The following MYT1L variants were observed in gnomAD, a reference collection of about 807,000 sequenced individuals.
The protein encoded by MYT1L is myelin transcription factor 1 like.
A neutral mutation model predicts 126.7 loss-of-function variants in MYT1L; 12 were observed. The ratio of observed to expected loss-of-function variants is 0.09; its 90% confidence interval spans 0.06 to 0.15. The LOEUF (loss-of-function observed/expected upper bound fraction) is 0.15, where lower values mean the gene tolerates loss of function less well. Among genes scored for constraint, MYT1L ranks in the 10% least tolerant of loss-of-function variants. The pLI is 1.00. For missense variants in MYT1L, 979 were observed against 1,585.2 expected (o/e 0.62, Z 6.49); for synonymous variants, 541 against 604.2 (o/e 0.90, Z 1.53).
At chr2:2,042,210 G>A (rs1197335209) in intron 4 of MYT1L, among the ~76,000 whole-genome samples, 5 of 152,176 alleles carry the variant, frequency 3.3e-5, no homozygotes, top group Admixed American at 2.0e-4. Context: ...AGGCTGATAC[G>A]AATCTTCTGG....
chr2:2,067,671 A>G (rs1302704693), intron 3 of MYT1L, among the ~76,000 whole-genome samples: 1 of 152,184 alleles, frequency 6.6e-6, no homozygotes, highest in East Asian at 1.9e-4. Flanking sequence ...CCCCCATAGC[A>G]TTGACTATAA....
At chr2:2,023,013 C>A (rs1173006541) in intron 4 of MYT1L, among the ~76,000 whole-genome samples, 5 of 152,210 alleles carry the variant, frequency 3.3e-5, no homozygotes, top group Non-Finnish European at 7.3e-5. Flanking sequence ...GGAAAGAAAG[C>A]ATCTTTCATG....
Position 1,943,082 on chromosome 2 carries a change from G to T in MYT1L, c.405C>A (p.Ile135=), listed in dbSNP as rs375288670. The change falls in exon 9 of 25, where the codon ATC becomes ATA. Residue 135 remains isoleucine (I), a synonymous_variant. Coordinates refer to ENST00000647738, the MANE Select transcript of MYT1L (RefSeq NM_001303052.2). The surrounding 1 kb of genome is among the most constrained non-coding windows in gnomAD (Gnocchi z 4.4). The part of the protein sequence containing the change: ...EEGDREEEEE[I]EEEDEDDDED... ...CGTCATCGTCCTCATCCTCCTCCTC[G>T]ATCTCCTCCTCCTCCTCCCGGTCCC... 3.5e-6 allele frequency: 5 copies of T among 1,441,138 alleles called. No individual in the cohort carries two copies. The highest frequency in any genetic ancestry group is 2.9e-5 in the African/African-American group (2 of 68,700). 89.3% of individuals were successfully genotyped at this position (1,441,138 alleles called of 1,614,324 possible). A position where few individuals can be genotyped will look rare whatever the true frequency, so the allele number is the denominator to read the frequency against.
chr2:2,098,253 T>G (rs1450292120), intron 3 of MYT1L, among the ~76,000 whole-genome samples: 1 of 152,184 alleles, frequency 6.6e-6, no homozygotes, highest in East Asian at 1.9e-4. Context: ...TCCTCATGGC[T>G]TTTATAAGTC....
At chr2:1,965,675 T>A (rs1266678537) in intron 8 of MYT1L, among the ~76,000 whole-genome samples, 1 of 152,188 alleles carries the variant, frequency 6.6e-6, no homozygotes, top group African/African-American at 2.4e-5. Flanking sequence ...GCATCATAGC[T>A]GGTGACTGGG....
chr2:2,108,067 A>C (rs1559033549), intron 3 of MYT1L, among the ~76,000 whole-genome samples: 1 of 152,072 alleles, frequency 6.6e-6, no homozygotes, highest in African/African-American at 2.4e-5. Flanking sequence ...AGAAACGAAC[A>C]CCTTGGTTTG....
intron 4 of MYT1L, among the ~76,000 whole-genome samples, chr2:2,002,068 A>G (rs1435079489): frequency 6.6e-6 from 1 of 152,206 alleles, no homozygotes; most frequent in Non-Finnish European, 1.5e-5. Flanking sequence ...TTCACAGAAC[A>G]ACACCTTCTT....
At position 1,923,092 on chromosome 2, in the gene MYT1L, T is replaced by C. The variant is rs1440637668; in HGVS notation, c.677A>G (p.Asn226Ser). ...AYRARTESEM[N>S]SNTSNSLEDD... The stretch of plus-strand genomic sequence containing the variant: ...TTCCAGACTATTGGAGGTATTGCTG[T>C]TCATTTCTGACTCAGTCCTGGCCCG... Residue 226 changes from asparagine to serine, a missense_variant, in exon 10 of 25, where the codon AAC (asparagine) becomes AGC (serine). This residue lies in a region of MYT1L where 243 missense variants were observed against 363.9 expected (regional missense o/e 0.67). Transcript: ENST00000647738. 1 of 1,614,058 alleles carries C rather than the reference T, an allele frequency of 6.2e-7. No individual in the cohort carries two copies. Among genetic ancestry groups the C allele is most frequent in the Admixed American group, 1.7e-5 (1 of 60,032 alleles).
chr2:2,039,615 G>C (rs1198219710), intron 4 of MYT1L, among the ~76,000 whole-genome samples: 1 of 152,196 alleles, frequency 6.6e-6, no homozygotes, highest in Non-Finnish European at 1.5e-5. Flanking sequence ...ATATGACTTT[G>C]AACGTCACAG....
Position 1,917,056 on chromosome 2 carries a change from G to C in MYT1L, c.1618+149C>G. ...TGCCATTGGCATGCCCACGAATCCTGGATCAGTTGCCCATCAAGTTAAGTA... is the reference window on the plus strand; with the variant it reads ...TGCCATTGGCATGCCCACGAATCCTCGATCAGTTGCCCATCAAGTTAAGTA... On this transcript the variant is annotated intron_variant, in intron 11 of 24. Transcript: ENST00000647738. The surrounding 1 kb of genome is among the most constrained non-coding windows in gnomAD (Gnocchi z 5.9). The C allele has an allele frequency of 2.9e-6, 3 of 1,046,840 alleles. No homozygotes were observed. In the South Asian group the frequency reaches 5.7e-5, roughly 20 times the overall value. 64.8% of individuals were successfully genotyped at this position (1,046,840 alleles called of 1,614,324 possible).
intron 1 of MYT1L, among the ~76,000 whole-genome samples, chr2:2,285,565 T>G (rs745837120): frequency 6.6e-6 from 1 of 152,210 alleles, no homozygotes; most frequent in African/African-American, 2.4e-5. Context: ...ACTTTGCATA[T>G]CTCTTTACCT....
intron 2 of MYT1L, among the ~76,000 whole-genome samples, chr2:2,225,600 G>A (rs1200329769): frequency 2.6e-5 from 4 of 152,010 alleles, no homozygotes; most frequent in Non-Finnish European, 5.9e-5. Flanking sequence ...CTACACCGTG[G>A]TCTCTCCTGG....
intron 3 of MYT1L, among the ~76,000 whole-genome samples, chr2:2,147,483 C>T (rs1489726085): frequency 1.3e-5 from 2 of 152,216 alleles, no homozygotes; most frequent in African/African-American, 4.8e-5. Flanking sequence ...CGGCTATGTC[C>T]CAAGCGTGGT....
At chr2:1,840,903 TC>T (rs1291133274) in intron 19 of MYT1L, 60 bp from the exon 20 acceptor site, 29,617 of 819,874 alleles carry the variant, frequency 0.036, 417 homozygotes, top group East Asian at 0.1. Context: ...GAGCTTTCTT[TC>T]TTTTTTTTTT....
At chr2:1,886,850 C>T (rs1185597372) in intron 17 of MYT1L, among the ~76,000 whole-genome samples, 3 of 151,924 alleles carry the variant, frequency 2.0e-5, no homozygotes, top group Admixed American at 6.6e-5. Flanking sequence ...GGCTTAAATG[C>T]TTAAGAAGAA....
chr2:1,926,043 T>C (rs2054185576), intron 9 of MYT1L, among the ~76,000 whole-genome samples: 1 of 152,212 alleles, frequency 6.6e-6, no homozygotes, highest in African/African-American at 2.4e-5. Flanking sequence ...TATTGGCATC[T>C]GAGCACAGAG....
At chr2:2,311,493 G>A (rs2095970214) in intron 1 of MYT1L, among the ~76,000 whole-genome samples, 1 of 152,168 alleles carries the variant, frequency 6.6e-6, no homozygotes, top group Non-Finnish European at 1.5e-5. Flanking sequence ...GAGCCCTGGA[G>A]CTACCTTCCT....
At chr2:2,058,869 C>T (rs975590213) in intron 3 of MYT1L, among the ~76,000 whole-genome samples, 1 of 152,148 alleles carries the variant, frequency 6.6e-6, no homozygotes, top group Non-Finnish European at 1.5e-5. Context: ...TGTCTTGTTT[C>T]CACTCTAGTA....
chr2:1,830,498 G>A (rs1020598663), intron 21 of MYT1L, among the ~76,000 whole-genome samples: 1 of 151,796 alleles, frequency 6.6e-6, no homozygotes, highest in Non-Finnish European at 1.5e-5. Context: ...TCGGCACCCC[G>A]AAGGGCTCAC....
Sources: allele counts gnomAD v4.1 joint callset (sites outside exome capture counted in the v4.1 genomes callset), GRCh38; gene constraint gnomAD v4.1.1; regional missense constraint gnomAD v4.1.1; non-coding constraint Gnocchi (gnomAD v3.1); transcripts MANE v1.5; gene names NCBI Gene and HGNC (gene_info 2026-07-23, HGNC 2026-07-21).